Variants in SMAD1 observed in about 807,000 individuals in gnomAD.
SMAD1 encodes SMAD family member 1.
Under a neutral mutation model 41.6 loss-of-function variants are expected in SMAD1, and 6 were observed. The ratio of observed to expected loss-of-function variants is 0.14; its 90% confidence interval spans 0.08 to 0.28. The LOEUF is 0.28. SMAD1 is among the 10% of genes least tolerant of loss of function. The pLI, the probability that SMAD1 is intolerant of heterozygous loss-of-function variation, is 1.00. For missense variants in SMAD1, 379 were observed against 582.6 expected (o/e 0.65, Z 3.60); for synonymous variants, 206 against 203.2 (o/e 1.01, Z -0.12).
Position 145,557,842 on chromosome 4 carries a change from A to C in SMAD1, c.1306A>C (p.Ile436Leu), listed in dbSNP as rs902463763. The change falls in exon 7 of 7, where the codon ATT becomes CTT. Residue 436 changes from isoleucine to leucine, a missense_variant. Physicochemically the swap from Ile to Leu is conservative, Grantham distance 5. Around this residue, in one of 3 missense-constraint regions of SMAD1, gnomAD observed 107 missense variants for 218.3 expected, o/e 0.49. Transcript: ENST00000302085. ...GGATGTTACTAGCACCCCCTGCTGGATTGAGATACATCTGCACGGCCCCCT... is the reference window on the plus strand; with the variant it reads ...GGATGTTACTAGCACCCCCTGCTGGCTTGAGATACATCTGCACGGCCCCCT... ...RQDVTSTPCWIEIHLHGPLQW... is the reference protein window; with the variant it reads ...RQDVTSTPCWLEIHLHGPLQW... 1 of 1,612,716 alleles carries C rather than the reference A, an allele frequency of 6.2e-7. No homozygotes were observed. The highest frequency in any genetic ancestry group is 1.3e-5 in the African/African-American group (1 of 74,902).
chr4:145,529,596 T>C (rs956390960), intron 2 of SMAD1, among the ~76,000 whole-genome samples: 3 of 152,240 alleles, frequency 2.0e-5, no homozygotes, highest in Non-Finnish European at 2.9e-5. Flanking sequence ...CTGGGCCCTG[T>C]AAATTTTCTG....
chr4:145,523,740 G>T (rs1211845394), intron 2 of SMAD1, among the ~76,000 whole-genome samples: 2 of 152,150 alleles, frequency 1.3e-5, no homozygotes, highest in Non-Finnish European at 2.9e-5. Context: ...GCGCTTGAAG[G>T]TTGGGTTCCG....
chr4:145,486,428 C>A (rs918651888), intron 1 of SMAD1, among the ~76,000 whole-genome samples: 4 of 152,168 alleles, frequency 2.6e-5, no homozygotes, highest in Non-Finnish European at 5.9e-5. Context: ...AGCTGTTAAA[C>A]ACTGTAAGAA....
At chr4:145,529,629 C>T (rs1274871923) in intron 2 of SMAD1, among the ~76,000 whole-genome samples, 1 of 152,188 alleles carries the variant, frequency 6.6e-6, no homozygotes, top group Non-Finnish European at 1.5e-5. Context: ...AAGGCCATGC[C>T]AGCCTTTTCC....
intron 5 of SMAD1, among the ~76,000 whole-genome samples, chr4:145,549,183 C>T (rs956333443): frequency 6.6e-6 from 1 of 152,134 alleles, no homozygotes; most frequent in African/African-American, 2.4e-5. Flanking sequence ...TGACCCTGGA[C>T]ATGATCCTGT....
At chr4:145,534,341 C>G (rs966644512) in intron 2 of SMAD1, among the ~76,000 whole-genome samples, 3 of 152,288 alleles carry the variant, frequency 2.0e-5, no homozygotes, top group African/African-American at 7.2e-5. Context: ...TCAGCATCAT[C>G]AAGATATTAA....
At chr4:145,544,642 G>A (rs911702985) in intron 4 of SMAD1, 8 of 151,608 alleles carry the variant, frequency 5.3e-5, no homozygotes, top group African/African-American at 1.7e-4. Context: ...TGGATGTGCA[G>A]TGTCATAAAT....
At chr4:145,532,463 A>G (rs1327248590) in intron 2 of SMAD1, among the ~76,000 whole-genome samples, 2 of 152,178 alleles carry the variant, frequency 1.3e-5, no homozygotes, top group Non-Finnish European at 2.9e-5. Context: ...TTAGGGTGGG[A>G]GAAAAGATTT....
At chr4:145,511,703 A>G (rs1029565189) in intron 1 of SMAD1, among the ~76,000 whole-genome samples, 2 of 152,224 alleles carry the variant, frequency 1.3e-5, no homozygotes, top group African/African-American at 4.8e-5. Context: ...TGGATAACAC[A>G]AGGACCTTAG....
At chr4:145,538,360 C>T (rs1392316247) in intron 2 of SMAD1, among the ~76,000 whole-genome samples, 2 of 151,952 alleles carry the variant, frequency 1.3e-5, no homozygotes, top group African/African-American at 2.4e-5. Context: ...CATCACTGTA[C>T]TAAAAAGAAA....
At chr4:145,489,319 A>C (rs1396327634) in intron 1 of SMAD1, among the ~76,000 whole-genome samples, 2 of 152,152 alleles carry the variant, frequency 1.3e-5, no homozygotes, top group East Asian at 3.8e-4. Context: ...GAATAAGGAA[A>C]CATTGGGAAG....
At chr4:145,538,784 G>A (rs377165956) in intron 2 of SMAD1, among the ~76,000 whole-genome samples, 1 of 152,166 alleles carries the variant, frequency 6.6e-6, no homozygotes, top group African/African-American at 2.4e-5. Context: ...ACAGGAGCTG[G>A]AGGGATTGCA....
intron 2 of SMAD1, among the ~76,000 whole-genome samples, chr4:145,529,284 C>G (rs942270494): frequency 1.3e-5 from 2 of 151,956 alleles, no homozygotes; most frequent in Non-Finnish European, 2.9e-5. Context: ...TCTAACAACT[C>G]TCGAAGTCTC....
chr4:145,500,551 C>T (rs184085020), intron 1 of SMAD1, among the ~76,000 whole-genome samples: 1 of 152,232 alleles, frequency 6.6e-6, no homozygotes, highest in East Asian at 1.9e-4. Flanking sequence ...ACCACATTCA[C>T]GACGAGGCTT....
intron 5 of SMAD1, among the ~76,000 whole-genome samples, chr4:145,549,202 G>C (rs1244412361): frequency 1.3e-5 from 2 of 152,144 alleles, no homozygotes; most frequent in African/African-American, 4.8e-5. Flanking sequence ...GTGCTGAACA[G>C]GAGAAAAAAT....
intron 1 of SMAD1, among the ~76,000 whole-genome samples, chr4:145,496,597 C>T (rs1729092276): frequency 6.6e-6 from 1 of 151,988 alleles, no homozygotes; most frequent in African/African-American, 2.4e-5. Flanking sequence ...ATAGAAAATA[C>T]AGTATTTGCA....
intron 5 of SMAD1, among the ~76,000 whole-genome samples, chr4:145,547,756 GAGAAT>G (rs1732327369): frequency 6.6e-6 from 1 of 152,188 alleles, no homozygotes; most frequent in African/African-American, 2.4e-5. Context: ...CCCTGTGAAG[GAGAAT>G]AGAAGTATCA....
At position 145,481,979 on chromosome 4, in the gene SMAD1, G is replaced by GC. The variant is rs1341877475; in HGVS notation, c.-235dup. Reference sequence around the variant, plus strand: ...GCGCCCGGCCGTCCGGACCCGGGCCGCGAGACCCCGCTCGCCCGGCCACTC... The same window carrying GC: ...GCGCCCGGCCGTCCGGACCCGGGCCGCCGAGACCCCGCTCGCCCGGCCACTC... On this transcript the variant is annotated 5_prime_UTR_variant, in exon 1 of 7. Transcript: ENST00000302085. 1.3e-5 allele frequency: 2 copies of GC among 151,972 alleles called. No homozygotes were observed. The highest frequency in any genetic ancestry group is 4.8e-5 in the African/African-American group (2 of 41,368). 9.4% of individuals were successfully genotyped at this position (151,972 alleles called of 1,614,324 possible).
At chr4:145,529,792 G>A (rs889299484) in intron 2 of SMAD1, among the ~76,000 whole-genome samples, 3 of 152,212 alleles carry the variant, frequency 2.0e-5, no homozygotes, top group African/African-American at 7.2e-5. Context: ...GACATAGATA[G>A]GGCCAGACAC....
Sources: allele counts gnomAD v4.1 joint callset (sites outside exome capture counted in the v4.1 genomes callset), GRCh38; gene constraint gnomAD v4.1.1; regional missense constraint gnomAD v4.1.1; transcripts MANE v1.5; gene names NCBI Gene and HGNC (gene_info 2026-07-23, HGNC 2026-07-21).